FAT3: variants seen among roughly 807,000 people sequenced by gnomAD.
FAT3 encodes FAT atypical cadherin 3.
Under a neutral mutation model 310.2 loss-of-function variants are expected in FAT3, and 95 were observed. That is an observed-to-expected ratio of 0.31 (90% CI 0.26 to 0.36). The LOEUF (loss-of-function observed/expected upper bound fraction) is 0.36. Ranked by LOEUF, FAT3 falls within the 10% of genes least tolerant of loss-of-function variation. The pLI, the probability that FAT3 is intolerant of heterozygous loss-of-function variation, is 1.00. For missense variants in FAT3, 5,408 were observed against 5,715.6 expected (o/e 0.95, Z 1.74); for synonymous variants, 2,314 against 2,192.9 (o/e 1.06, Z -1.54).
At chr11:92,375,493 A>G (rs2134737288) in intron 2 of FAT3, among the ~76,000 whole-genome samples, 1 of 152,142 alleles carries the variant, frequency 6.6e-6, no homozygotes, top group South Asian at 2.1e-4. Context: ...GCTTGAGCTC[A>G]TGCCCATGGT....
chr11:92,227,982 G>A (rs906625180), intron 1 of FAT3, among the ~76,000 whole-genome samples: 2 of 150,934 alleles, frequency 1.3e-5, no homozygotes, highest in African/African-American at 4.9e-5. Flanking sequence ...ACCGAATGTT[G>A]ATATTCAATC....
At chr11:92,656,347 C>A (rs1281292501) in intron 3 of FAT3, among the ~76,000 whole-genome samples, 5 of 152,292 alleles carry the variant, frequency 3.3e-5, no homozygotes, top group African/African-American at 1.2e-4. Context: ...ATCTAGTGAC[C>A]TAGGGGCTCA....
At chr11:92,886,949 G>C in intron 24 of FAT3, 51 bp from the exon 25 acceptor site, 1 of 1,454,248 alleles carries the variant, frequency 6.9e-7, no homozygotes, top group East Asian at 2.4e-5. Context: ...ACTGGAAATA[G>C]GCACAAGGTA....
At chr11:92,286,087 C>A (rs2845878) in intron 1 of FAT3, among the ~76,000 whole-genome samples, 4 of 151,952 alleles carry the variant, frequency 2.6e-5, no homozygotes, top group East Asian at 3.9e-4. Context: ...ACTGCCTTCC[C>A]TTTTCTGTTG....
intron 2 of FAT3, among the ~76,000 whole-genome samples, chr11:92,486,490 CATTT>C (rs1264921427): frequency 1.3e-5 from 2 of 151,922 alleles, no homozygotes; most frequent in South Asian, 2.1e-4. Flanking sequence ...TCATTTCGTT[CATTT>C]ATTAATCCCT....
chr11:92,761,896 C>G lies in FAT3; in HGVS notation c.3710C>G (p.Thr1237Ser), dbSNP rs774875961. The stretch of plus-strand genomic sequence containing the variant: ...GGTGGTCCCTCTCCAAAACAGTCAA[C>G]CATTTGGGTGGTGGTTCAGGTTCTA... The part of the protein sequence containing the change: ...TDGGPSPKQS[T>S]IWVVVQVLDE... The change falls in exon 5 of 28, where the codon ACC (threonine) becomes AGC (serine). Residue 1237 changes from threonine to serine, a missense_variant. Transcript: ENST00000525166. 6 of 1,613,786 alleles carry G rather than the reference C, an allele frequency of 3.7e-6. No homozygotes were observed. In the Admixed American group the frequency reaches 8.3e-5, roughly 22 times the overall value.
intron 4 of FAT3, among the ~76,000 whole-genome samples, chr11:92,731,306 T>A (rs1945171345): frequency 6.6e-6 from 1 of 152,170 alleles, no homozygotes; most frequent in African/African-American, 2.4e-5. Flanking sequence ...AGTTTTTGGT[T>A]GTCACAATAG....
chr11:92,438,840 A>G (rs16917570), intron 2 of FAT3, among the ~76,000 whole-genome samples: 1,895 of 152,312 alleles, frequency 0.012, 34 homozygotes, highest in African/African-American at 0.044. Context: ...CTCCAAGTTG[A>G]AAGTAACTGG....
At chr11:92,527,107 T>C (rs544157229) in intron 3 of FAT3, among the ~76,000 whole-genome samples, 4 of 152,234 alleles carry the variant, frequency 2.6e-5, no homozygotes, top group African/African-American at 7.2e-5. Flanking sequence ...GTGGGAGTGA[T>C]GGTCAGGGAG....
chr11:92,716,120 C>T (rs1944676177), intron 4 of FAT3, among the ~76,000 whole-genome samples: 2 of 152,032 alleles, frequency 1.3e-5, no homozygotes, highest in Admixed American at 6.6e-5. Context: ...GGAGGCAGAT[C>T]GAGGTGTGAG....
chr11:92,618,088 C>G (rs1035247282), intron 3 of FAT3, among the ~76,000 whole-genome samples: 1 of 152,216 alleles, frequency 6.6e-6, no homozygotes, highest in African/African-American at 2.4e-5. Context: ...GAGGTGGAGT[C>G]TGCAGAAGCA....
intron 3 of FAT3, among the ~76,000 whole-genome samples, chr11:92,628,126 G>A (rs894222170): frequency 6.6e-6 from 1 of 152,170 alleles, no homozygotes; most frequent in African/African-American, 2.4e-5. Flanking sequence ...GACCATAATG[G>A]GCCATGAGCG....
intron 3 of FAT3, among the ~76,000 whole-genome samples, chr11:92,664,846 A>C (rs141521113): frequency 7.2e-5 from 11 of 152,160 alleles, no homozygotes; most frequent in African/African-American, 2.6e-4. Context: ...TGAATTCCTC[A>C]CTTTCTATTT....
intron 3 of FAT3, among the ~76,000 whole-genome samples, chr11:92,632,562 T>C (rs1004835855): frequency 2.6e-5 from 4 of 152,226 alleles, no homozygotes; most frequent in African/African-American, 9.6e-5. Context: ...GTCACTTCTC[T>C]TCTGCAGGCA....
At chr11:92,508,805 G>A (rs1332656082) in intron 2 of FAT3, among the ~76,000 whole-genome samples, 5 of 151,974 alleles carry the variant, frequency 3.3e-5, no homozygotes, top group African/African-American at 9.7e-5. Flanking sequence ...TTAGAGAGTC[G>A]GTATTAAATA....
At chr11:92,808,942 A>T (rs888609895) in intron 12 of FAT3, among the ~76,000 whole-genome samples, 12 of 152,106 alleles carry the variant, frequency 7.9e-5, no homozygotes, top group African/African-American at 1.9e-4. Flanking sequence ...ATAAATAAAT[A>T]AAATAAATAA....
At chr11:92,742,244 C>G (rs1945528570) in intron 4 of FAT3, among the ~76,000 whole-genome samples, 1 of 152,176 alleles carries the variant, frequency 6.6e-6, no homozygotes, top group Non-Finnish European at 1.5e-5. Context: ...GTCATTCTAT[C>G]TGAATGTGGT....
intron 3 of FAT3, among the ~76,000 whole-genome samples, chr11:92,683,881 A>C (rs758344829): frequency 4.3e-4 from 65 of 152,350 alleles, no homozygotes; most frequent in Middle Eastern, 3.4e-3. Context: ...CCAAGGCATT[A>C]ATGTGATTCA....
At chr11:92,577,142 G>T (rs1199208510) in intron 3 of FAT3, among the ~76,000 whole-genome samples, 1 of 151,712 alleles carries the variant, frequency 6.6e-6, no homozygotes, top group African/African-American at 2.4e-5. Flanking sequence ...ATGGAGTCTT[G>T]CTCTGTTGCC....
Sources: allele counts gnomAD v4.1 joint callset (sites outside exome capture counted in the v4.1 genomes callset), GRCh38; gene constraint gnomAD v4.1.1; transcripts MANE v1.5; gene names NCBI Gene and HGNC (gene_info 2026-07-23, HGNC 2026-07-21).